WASHC2C: variants seen among roughly 807,000 people sequenced by gnomAD.
WASHC2C encodes WASH complex subunit 2C.
A neutral mutation model predicts 142.2 loss-of-function variants in WASHC2C; 73 were observed. The ratio of observed to expected loss-of-function variants is 0.51; its 90% CI spans 0.43 to 0.62. WASHC2C has a LOEUF of 0.62. Ranked by LOEUF, WASHC2C falls within the 20% of genes least tolerant of loss-of-function variation. The pLI is 0.00. For missense variants in WASHC2C, 969 were observed against 1,531.7 expected, an observed-to-expected ratio of 0.63 and a Z score of 6.13; for synonymous variants, 337 against 565.5, an observed-to-expected ratio of 0.60 and a Z score of 5.73.
chr10:45,775,612 A>G (rs2056991495), intron 21 of WASHC2C, among the ~76,000 whole-genome samples: 2 of 150,916 alleles, frequency 1.3e-5, no homozygotes, highest in African/African-American at 4.9e-5. Context: ...TTAGTTATAT[A>G]TGAAGGAAGA....
In WASHC2C at chr10:45,792,276, CT is replaced by C. The variant is rs1328588370; in HGVS notation, c.3903del (p.Gly1302ValfsTer34). ...FDDDMDDIFS[T>X]GIQAKTTKPK... ...CTTTCTAAAGATGACATCTTCTCCA[CT>C]GGTATCCAGGCTAAGACAACCAAAC... On this transcript the variant is annotated frameshift_variant, in exon 31 of 31. Transcript: ENST00000623400. LOFTEE classifies it high-confidence loss of function. The C allele has an allele frequency of 6.4e-7, 1 of 1,563,802 alleles. No individual in the cohort carries two copies. Among genetic ancestry groups the C allele is most frequent in the Admixed American group, 1.8e-5 (1 of 55,012 alleles).
At chr10:45,739,528 G>T (rs1375032142) in intron 4 of WASHC2C, among the ~76,000 whole-genome samples, 1 of 151,694 alleles carries the variant, frequency 6.6e-6, no homozygotes, top group African/African-American at 2.4e-5. Flanking sequence ...TTGTTGTAGG[G>T]TATACACAGA....
chr10:45,779,409 T>C (rs2057330874), intron 23 of WASHC2C, among the ~76,000 whole-genome samples: 1 of 151,526 alleles, frequency 6.6e-6, no homozygotes, highest in Non-Finnish European at 1.5e-5. Context: ...CCTTGGCCAG[T>C]TGTGGGATGT....
At position 45,769,539 on chromosome 10, in the gene WASHC2C, C is replaced by A. The variant is rs1554883793; in HGVS notation, c.1960C>A (p.Gln654Lys). 6.2e-7 allele frequency: 1 copy of A among 1,611,692 alleles called. No homozygotes were observed. The highest frequency in any genetic ancestry group is 1.7e-5 in the Admixed American group (1 of 59,986). ...CAGGGATTCTGGGACCCTCCAGAGC[C>A]AGGAGGCCAAGGCTGTGAAAAAGAC... Reference protein sequence around the residue: ...EPRDSGTLQSQEAKAVKKTSL... With the variant: ...EPRDSGTLQSKEAKAVKKTSL... Residue 654 changes from glutamine (Q) to lysine (K), a missense_variant, in exon 20 of 31, where the codon CAG (glutamine) becomes AAG (lysine). Transcript: ENST00000623400.
intron 8 of WASHC2C, among the ~76,000 whole-genome samples, chr10:45,749,851 ATATATT>A (rs1554873287): frequency 3.7e-5 from 4 of 108,138 alleles, no homozygotes; most frequent in Admixed American, 1.1e-4. Flanking sequence ...ATATATATAT[ATATATT>A]TATATATATA....
At chr10:45,785,067 C>G (rs192581316) in intron 25 of WASHC2C, among the ~76,000 whole-genome samples, 166 bp downstream of exon 25, 170 of 152,286 alleles carry the variant, frequency 1.1e-3, no homozygotes, top group African/African-American at 3.9e-3. Flanking sequence ...GGATGCAATG[C>G]TTAGTTTCTG....
chr10:45,764,533 TTGTC>T (rs2055552696), intron 18 of WASHC2C, among the ~76,000 whole-genome samples: 1 of 149,534 alleles, frequency 6.7e-6, no homozygotes, highest in South Asian at 2.1e-4. Flanking sequence ...GTCCTGACCA[TTGTC>T]TTTCTTTCCC....
At chr10:45,749,857 T>TATATATTTATATTTA (rs2053367253) in intron 8 of WASHC2C, among the ~76,000 whole-genome samples, 2 of 88,804 alleles carry the variant, frequency 2.3e-5, no homozygotes, top group Admixed American at 1.2e-4. Context: ...ATATATATAT[T>TATATATTTATATTTA]TATATATATA....
In WASHC2C at chr10:45,777,371, G is replaced by C; in HGVS notation, c.2241G>C (p.Glu747Asp). The C allele has an allele frequency of 6.2e-7, 1 of 1,610,244 alleles. No homozygotes were observed. Among genetic ancestry groups the C allele is most frequent in the Non-Finnish European group, 8.5e-7 (1 of 1,178,600 alleles). Reference sequence around the variant, plus strand: ...TGAAGTCTGTGGATAAGAAGGTTGAGAGTGCCAAGGAGTCATTAAAATTTG... The same window carrying C: ...TGAAGTCTGTGGATAAGAAGGTTGACAGTGCCAAGGAGTCATTAAAATTTG... ...LGVKSVDKKV[E>D]SAKESLKFGR... Residue 747 changes from glutamate to aspartate, a missense_variant, in exon 22 of 31, where the codon GAG (glutamate) becomes GAC (aspartate). Coordinates refer to ENST00000623400, the MANE Select transcript of WASHC2C (RefSeq NM_001330074.2).
intron 13 of WASHC2C, among the ~76,000 whole-genome samples, 184 bp downstream of exon 13, chr10:45,753,421 C>G (rs573173022): frequency 8.4e-5 from 12 of 143,610 alleles, no homozygotes; most frequent in Non-Finnish European, 1.8e-4. Context: ...AAAAACAGTA[C>G]CATCTGTAAA....
In WASHC2C at chr10:45,756,542, A is replaced by G. The variant is rs372421126; in HGVS notation, c.1421-470A>G. On this transcript the variant is annotated intron_variant, in intron 15 of 30. Transcript: ENST00000623400. ...GAAGCATGTATGCTGAACTGTTCCC[A>G]ATGTTCATCTTGTTTGAGTAGACTG... 2.8e-3 allele frequency among the ~76,000 whole-genome samples: 419 copies of G among 152,040 alleles called. 6 individuals carry two copies. The highest frequency in any genetic ancestry group is 0.026 in the East Asian group (132 of 5,108).
At chr10:45,786,526 T>C (rs1589956409) in intron 26 of WASHC2C, 86 bp from the exon 27 acceptor site, 2 of 1,346,800 alleles carry the variant, frequency 1.5e-6, no homozygotes, top group African/African-American at 1.4e-5. Flanking sequence ...ACAGTTTTGC[T>C]CCATCACAGA....
At chr10:45,788,602 G>A (rs1485032130) in intron 28 of WASHC2C, among the ~76,000 whole-genome samples, 2 of 152,142 alleles carry the variant, frequency 1.3e-5, no homozygotes, top group Non-Finnish European at 2.9e-5. Flanking sequence ...GAAACTTTTT[G>A]TGTGAAACTG....
chr10:45,727,276 C>T lies in WASHC2C; in HGVS notation c.-42C>T, dbSNP rs10793625. 3.4e-5 allele frequency: 52 copies of T among 1,545,512 alleles called. No individual in the cohort carries two copies. In the African/African-American group the frequency reaches 6.2e-4, roughly 18 times the overall value. On this transcript the variant is annotated 5_prime_UTR_variant, in exon 1 of 31. Transcript: ENST00000623400. ...CTTCCGGGGCTCTGCGGTCCTCGGCCTGTGCTGGCAGCCTCGGAGCCCACC... is the reference window on the plus strand; with the variant it reads ...CTTCCGGGGCTCTGCGGTCCTCGGCTTGTGCTGGCAGCCTCGGAGCCCACC...
At chr10:45,756,950 T>C (rs2054380019) in intron 15 of WASHC2C, 62 bp from the exon 16 acceptor site, 5 of 1,382,580 alleles carry the variant, frequency 3.6e-6, no homozygotes, top group Admixed American at 2.6e-5. Context: ...TTTTTTAATC[T>C]GTGAATTTTG....
At chr10:45,743,002 G>A (rs1554869035) in intron 5 of WASHC2C, among the ~76,000 whole-genome samples, 2 of 151,668 alleles carry the variant, frequency 1.3e-5, no homozygotes, top group South Asian at 2.1e-4. Context: ...AGCCTCCCGA[G>A]TAGCTAGGAT....
intron 18 of WASHC2C, among the ~76,000 whole-genome samples, chr10:45,763,712 C>CTT (rs4042575): frequency 7.1e-6 from 1 of 141,738 alleles, no homozygotes; most frequent in Non-Finnish European, 1.5e-5. Flanking sequence ...TGACGCAGTT[C>CTT]TTTTTTTTTT....
rs760808110 is a variant in WASHC2C, at chr10:45,727,331, C to A, written c.3+11C>A. ...CGGGCGGCTGGGATGGTGAGGGCGG[C>A]GGGCCGGAGAGGGGCCGGCCTGGGC... On this transcript the variant is annotated intron_variant, in intron 1 of 30. Coordinates refer to ENST00000623400, the MANE Select transcript of WASHC2C (RefSeq NM_001330074.2). 6.3e-7 allele frequency: 1 copy of A among 1,584,604 alleles called. No homozygotes were observed. Among genetic ancestry groups the A allele is most frequent in the Admixed American group, 1.8e-5 (1 of 54,942 alleles).
rs1554889434 is a variant in WASHC2C at position 45,784,920 on chromosome 10, C to T, written c.2688+19C>T. 6.3e-7 allele frequency: 1 copy of T among 1,593,870 alleles called. No individual in the cohort carries two copies. The highest frequency in any genetic ancestry group is 8.5e-7 in the Non-Finnish European group (1 of 1,174,996). On this transcript the variant is annotated intron_variant, in intron 25 of 30. Transcript: ENST00000623400. ...GCCTTTGGTACCAGCCTTTTGTTCT[C>T]AATACTGGGTTGTGTGGGAAAGATT...
Sources: gnomAD v4.1 joint callset for allele counts (sites outside exome capture counted in the v4.1 genomes callset) on GRCh38, gnomAD v4.1.1 for gene constraint, MANE v1.5 for transcripts, NCBI Gene and HGNC (gene_info 2026-07-23, HGNC 2026-07-21) for gene names.